Variants in FAM135A observed in about 807,000 individuals in gnomAD.
FAM135A encodes the protein protein FAM135A.
In FAM135A, 79 loss-of-function variants were observed where a neutral mutation model predicts 146.8. The ratio of observed to expected loss-of-function variants is 0.54; its 90% CI spans 0.45 to 0.65. FAM135A has a LOEUF of 0.65. Ranked by LOEUF, FAM135A falls within the 30% of genes least tolerant of loss-of-function variation. The pLI is 0.00. For synonymous variants in FAM135A, 562 were observed against 603.6 expected, an observed-to-expected ratio of 0.93 and a Z score of 1.01; for missense variants, 1,623 against 1,758.2, an observed-to-expected ratio of 0.92 and a Z score of 1.38.
chr6:70,533,648 G>A (rs904601710), intron 17 of FAM135A, 109 bp from the exon 18 acceptor site: 2 of 678,008 alleles, frequency 2.9e-6, no homozygotes, highest in African/African-American at 1.9e-5. Context: ...ATAAAACATT[G>A]AACTTAACCA....
intron 12 of FAM135A, among the ~76,000 whole-genome samples, chr6:70,520,940 G>T (rs1315192595): frequency 6.6e-6 from 1 of 152,252 alleles, no homozygotes; most frequent in African/African-American, 2.4e-5. Flanking sequence ...GAAAAGGTAA[G>T]TGTTTGGAGC....
At chr6:70,425,245 T>G (rs1447110543) in intron 2 of FAM135A, among the ~76,000 whole-genome samples, 1 of 152,100 alleles carries the variant, frequency 6.6e-6, no homozygotes, top group African/African-American at 2.4e-5. Context: ...AATAAATGTT[T>G]GAATGAACAA....
At chr6:70,440,192 G>A (rs185662224) in intron 4 of FAM135A, among the ~76,000 whole-genome samples, 5 of 152,256 alleles carry the variant, frequency 3.3e-5, no homozygotes, top group African/African-American at 7.2e-5. Context: ...TTTTTGAGAC[G>A]AATCCTCAAG....
chr6:70,425,052 A>G (rs867154848), intron 2 of FAM135A, among the ~76,000 whole-genome samples: 1 of 150,190 alleles, frequency 6.7e-6, no homozygotes, highest in Admixed American at 6.7e-5. Flanking sequence ...TCCCAAACCT[A>G]TATTTTAAGC....
Position 70,498,216 on chromosome 6 carries a change from T to C in FAM135A, c.874-4420T>C, listed in dbSNP as rs185527882. Among the ~76,000 whole-genome samples the C allele has an allele frequency of 1.3e-4, 20 of 152,342 alleles. 1 individual carries two copies. The highest frequency in any genetic ancestry group is 1.3e-3 in the Admixed American group (20 of 15,304). On this transcript the variant is annotated intron_variant, in intron 11 of 21. Coordinates refer to ENST00000418814, the MANE Select transcript of FAM135A (RefSeq NM_001162529.3). ...GTTTTCTCTTGGGAGGCTGTATGTG[T>C]CCAGGAATTTATCCATTTCTTCCAG...
At chr6:70,528,890 A>G (rs1582780579) in intron 16 of FAM135A, among the ~76,000 whole-genome samples, 2 of 117,996 alleles carry the variant, frequency 1.7e-5, no homozygotes, top group Non-Finnish European at 3.2e-5. Flanking sequence ...CCCTGTGTCT[A>G]TTTGTTCTCA....
rs370453074 is a variant in FAM135A at position 70,526,740 on chromosome 6, C to CAT, written c.3614+52_3614+53dup. ...AATAGTACCTGCTGCTAAATATATA[C>CAT]ATATATATATACACACACACACACA... is the stretch of plus-strand genomic sequence containing the variant. On this transcript the variant is annotated intron_variant, in intron 15 of 21. Transcript: ENST00000418814. 76 of 1,036,368 alleles carry CAT rather than the reference C, an allele frequency of 7.3e-5. 1 individual carries two copies. Among genetic ancestry groups the CAT allele is most frequent in the African/African-American group, 2.4e-4 (14 of 57,488 alleles). 64.2% of individuals were successfully genotyped at this position (1,036,368 alleles called of 1,614,324 possible).
chr6:70,422,397 A>AT (rs1305870318), intron 2 of FAM135A, among the ~76,000 whole-genome samples: 6 of 151,066 alleles, frequency 4.0e-5, no homozygotes, highest in African/African-American at 1.5e-4. Context: ...CCTTTTTTGT[A>AT]TTTTTTCTTC....
At chr6:70,438,973 A>G (rs925592246) in intron 4 of FAM135A, among the ~76,000 whole-genome samples, 1 of 152,130 alleles carries the variant, frequency 6.6e-6, no homozygotes, top group African/African-American at 2.4e-5. Flanking sequence ...CCTGGGCAAC[A>G]ATATAGTGAG....
intron 5 of FAM135A, among the ~76,000 whole-genome samples, chr6:70,472,475 T>A (rs1781810036): frequency 6.6e-6 from 1 of 152,148 alleles, no homozygotes; most frequent in African/African-American, 2.4e-5. Context: ...TCATCCCAAA[T>A]ATTTTAGTGC....
At chr6:70,432,635 A>C (rs572741267) in intron 4 of FAM135A, among the ~76,000 whole-genome samples, 16 of 152,304 alleles carry the variant, frequency 1.1e-4, no homozygotes, top group African/African-American at 3.4e-4. Context: ...ATAAGGTATG[A>C]AATAAGAACA....
intron 9 of FAM135A, 89 bp from the exon 10 acceptor site, chr6:70,481,912 G>A: frequency 7.9e-7 from 1 of 1,272,502 alleles, no homozygotes; most frequent in Non-Finnish European, 1.1e-6. Context: ...TTGACAGATG[G>A]TTAAGTATTT....
intron 5 of FAM135A, among the ~76,000 whole-genome samples, chr6:70,461,131 G>A (rs1431116067): frequency 6.6e-6 from 1 of 152,052 alleles, no homozygotes; most frequent in Non-Finnish European, 1.5e-5. Context: ...CCTATAGATA[G>A]ATAAATCTTA....
intron 10 of FAM135A, among the ~76,000 whole-genome samples, chr6:70,489,607 A>C (rs1785471288): frequency 6.6e-6 from 1 of 152,180 alleles, no homozygotes; most frequent in African/African-American, 2.4e-5. Flanking sequence ...AAGCAGAGCA[A>C]GCTTCTGGAG....
intron 2 of FAM135A, among the ~76,000 whole-genome samples, chr6:70,426,059 C>T (rs9455099): frequency 0.025 from 3,762 of 150,996 alleles, 162 homozygotes; most frequent in African/African-American, 0.087. Flanking sequence ...GCCGAGATTG[C>T]GCCACTGCAG....
chr6:70,545,924 G>A (rs1476174684), intron 20 of FAM135A, among the ~76,000 whole-genome samples: 1 of 152,072 alleles, frequency 6.6e-6, no homozygotes, highest in African/African-American at 2.4e-5. Flanking sequence ...ACATTTTCAG[G>A]AACTTAAAAA....
At chr6:70,516,070 T>TTGTCACTTCA (rs1792127437) in intron 12 of FAM135A, among the ~76,000 whole-genome samples, 1 of 152,182 alleles carries the variant, frequency 6.6e-6, no homozygotes, top group Non-Finnish European at 1.5e-5. Flanking sequence ...TCCTCAGTGC[T>TTGTCACTTCA]TGAAAAAGTC....
At chr6:70,472,017 A>G (rs896581648) in intron 5 of FAM135A, among the ~76,000 whole-genome samples, 1 of 152,176 alleles carries the variant, frequency 6.6e-6, no homozygotes. Flanking sequence ...AAAAATGAGC[A>G]GGATAGTGAG....
intron 19 of FAM135A, among the ~76,000 whole-genome samples, chr6:70,537,446 T>TA (rs1160626402): frequency 6.6e-6 from 1 of 152,192 alleles, no homozygotes; most frequent in African/African-American, 2.4e-5. Context: ...GTTGGTGATT[T>TA]AAAAATACAG....
Sources: gnomAD v4.1 joint callset for allele counts (sites outside exome capture counted in the v4.1 genomes callset) on GRCh38, gnomAD v4.1.1 for gene constraint, MANE v1.5 for transcripts, NCBI Gene and HGNC (gene_info 2026-07-23, HGNC 2026-07-21) for gene names.